The following TMEM114 variants were observed in gnomAD, a reference collection of about 807,000 sequenced individuals.
TMEM114 encodes the protein transmembrane protein 114.
A neutral mutation model predicts 6.2 loss-of-function variants in TMEM114; 6 were observed. That is an observed-to-expected ratio of 0.97 (90% CI 0.53 to 1.91). The LOEUF (loss-of-function observed/expected upper bound fraction) is 1.91. Among genes scored for constraint, TMEM114 ranks in the 40% most tolerant of loss-of-function variants. The pLI is 0.01. For synonymous variants in TMEM114, 104 were observed against 73.0 expected (o/e 1.42, Z -2.16); for missense variants, 218 against 158.3 (o/e 1.38, Z -2.02).
chr16:8,564,694 T>C (rs1168442870), downstream of TMEM114, among the ~76,000 whole-genome samples: 1 of 145,398 alleles, frequency 6.9e-6, no homozygotes, highest in Non-Finnish European at 1.5e-5. Context: ...AGTGAGTGAA[T>C]GAGTGAGTGA....
chr16:8,585,899 C>T (rs1260700489), intron 2 of TMEM114, among the ~76,000 whole-genome samples: 2 of 152,088 alleles, frequency 1.3e-5, no homozygotes, highest in Non-Finnish European at 1.5e-5. Flanking sequence ...AGGAAAGGCC[C>T]ATGGCCACAT....
intron 2 of TMEM114, among the ~76,000 whole-genome samples, chr16:8,556,316 A>G (rs574201916): frequency 6.6e-6 from 1 of 152,294 alleles, no homozygotes; most frequent in Non-Finnish European, 1.5e-5. Context: ...TCTAGGGCAC[A>G]AAAGTATCGC....
intron 2 of TMEM114, among the ~76,000 whole-genome samples, chr16:8,539,638 C>T (rs562837236): frequency 2.8e-4 from 43 of 152,242 alleles, no homozygotes; most frequent in Non-Finnish European, 6.0e-4. Context: ...AAGCACTCTG[C>T]GTGCAACTGG....
At chr16:8,561,061 C>T (rs1901183785) in intron 2 of TMEM114, among the ~76,000 whole-genome samples, 1 of 152,190 alleles carries the variant, frequency 6.6e-6, no homozygotes, top group East Asian at 1.9e-4. Flanking sequence ...ACCACGAGAA[C>T]AGTATGGGGG....
the TMEM114 span, chr16:8,526,764 G>A: frequency 1.3e-5 from 2 of 152,076 alleles, no homozygotes; most frequent in African/African-American, 4.8e-5. Flanking sequence ...AAGAGCAGAT[G>A]GATACACCCT....
intron 2 of TMEM114, among the ~76,000 whole-genome samples, chr16:8,549,901 C>G (rs1485103344): frequency 6.6e-6 from 1 of 152,190 alleles, no homozygotes; most frequent in Admixed American, 6.5e-5. Flanking sequence ...CACAGTCCAT[C>G]TGCAAGCTGA....
Position 8,569,545 on chromosome 16 carries a change from T to G in TMEM114, c.*228A>C. On this transcript the variant is annotated 3_prime_UTR_variant, in exon 4 of 4. Transcript: ENST00000620492. ...TATTTCTCGCGAAGCGGTTTGGCAC[T>G]CCCTCGGGCTCCTCCAGGCCACACG... The G allele has an allele frequency of 7.1e-7, 1 of 1,401,462 alleles. No homozygotes were observed. Among genetic ancestry groups the G allele is most frequent in the South Asian group, 1.7e-5 (1 of 59,526 alleles). 86.8% of individuals were successfully genotyped at this position (1,401,462 alleles called of 1,614,324 possible). A position where few individuals can be genotyped will look rare whatever the true frequency, so the allele number is the denominator to read the frequency against.
chr16:8,567,157 T>C (rs1241845298), downstream of TMEM114, among the ~76,000 whole-genome samples: 2 of 151,820 alleles, frequency 1.3e-5, no homozygotes, highest in Admixed American at 1.3e-4. Flanking sequence ...GACCTGCCTG[T>C]CTTGGCATCC....
At chr16:8,542,950 A>T (rs1243036403) in intron 2 of TMEM114, among the ~76,000 whole-genome samples, 1 of 152,242 alleles carries the variant, frequency 6.6e-6, no homozygotes, top group Admixed American at 6.5e-5. Context: ...TATATATTTG[A>T]CATAATTACC....
chr16:8,572,130 G>C lies in TMEM114; in HGVS notation c.396C>G (p.Ala132=), dbSNP rs1432902522. 1 of 1,551,476 alleles carries C rather than the reference G, an allele frequency of 6.4e-7. No homozygotes were observed. The highest frequency in any genetic ancestry group is 1.7e-4 in the Middle Eastern group (1 of 6,014). Residue 132 remains alanine, a synonymous_variant, in exon 3 of 4, where the codon GCC becomes GCG. Transcript: ENST00000620492. ...TTCCAGTGAGCAGGAGGAGGAGGTA[G>C]GCTTGGAGGAGGAAGCTCAGAAACC... ...MTGFLSFLLQ[A]YLLLLLTGIL... is the part of the protein sequence containing the mutation.
chr16:8,535,997 G>T (rs1055405905), downstream of TMEM114, among the ~76,000 whole-genome samples: 6 of 152,072 alleles, frequency 3.9e-5, no homozygotes, highest in Non-Finnish European at 8.8e-5. Flanking sequence ...AGGTCGAGGC[G>T]GGCAGATCAC....
chr16:8,575,368 T>C (rs1157497708), intron 2 of TMEM114, among the ~76,000 whole-genome samples: 1 of 152,200 alleles, frequency 6.6e-6, no homozygotes, highest in Non-Finnish European at 1.5e-5. Flanking sequence ...CGCAGACAGT[T>C]CCTCTCTTGC....
chr16:8,550,455 C>A (rs562276363), intron 2 of TMEM114, among the ~76,000 whole-genome samples: 2 of 149,920 alleles, frequency 1.3e-5, no homozygotes, highest in Non-Finnish European at 3.0e-5. Flanking sequence ...CCAAGGCGGG[C>A]GGATGATGAG....
At position 8,572,443 on chromosome 16, in the gene TMEM114, G is replaced by T. The variant is rs1009639444; in HGVS notation, c.302-219C>A. On this transcript the variant is annotated intron_variant, in intron 2 of 3. Transcript: ENST00000620492. The stretch of plus-strand genomic sequence containing the variant: ...GCTGTGTGCTTTGTTCTTGTTGTTT[G>T]TTTTGTTTTTGAGACAGGGTCTTGC... The T allele has an allele frequency of 6.7e-6, 4 of 596,420 alleles. No homozygotes were observed. In the African/African-American group the frequency reaches 7.5e-5, roughly 11 times the overall value. The allele number at this position is 596,420 out of a possible 1,614,324, so 36.9% of individuals were successfully genotyped here. A position where few individuals can be genotyped will look rare whatever the true frequency, so the allele number is the denominator to read the frequency against.
At chr16:8,556,667 A>G (rs959211400) in intron 2 of TMEM114, among the ~76,000 whole-genome samples, 2 of 151,808 alleles carry the variant, frequency 1.3e-5, no homozygotes, top group African/African-American at 2.4e-5. Context: ...ACACATGGCT[A>G]ATTTTTTGTA....
chr16:8,556,162 G>T (rs1270724355), intron 2 of TMEM114, among the ~76,000 whole-genome samples: 1 of 152,116 alleles, frequency 6.6e-6, no homozygotes, highest in Non-Finnish European at 1.5e-5. Context: ...TAAATGCCAA[G>T]TCTGAATTCT....
At chr16:8,569,004 T>G (rs558248535), downstream of TMEM114, among the ~76,000 whole-genome samples, 39 of 152,338 alleles carry the variant, frequency 2.6e-4, no homozygotes, top group African/African-American at 8.7e-4. Flanking sequence ...AATGTGAGTT[T>G]TTGGGCTTCA....
At chr16:8,561,651 G>C (rs1284768693) in intron 2 of TMEM114, among the ~76,000 whole-genome samples, 1 of 141,428 alleles carries the variant, frequency 7.1e-6, no homozygotes, top group East Asian at 2.0e-4. Flanking sequence ...ACAAGTGAGT[G>C]AATAAGTGAA....
Position 8,546,845 on chromosome 16 carries a change from C to T in TMEM114, n.213-9019G>A, listed in dbSNP as rs149365653. Among the ~76,000 whole-genome samples, 19 of 152,300 alleles carry T rather than the reference C, an allele frequency of 1.2e-4. No individual in the cohort carries two copies. The South Asian group carries it at 1.9e-3, about 15-fold the overall frequency. On this transcript the variant is annotated intron_variant and non_coding_transcript_variant, in intron 2 of 2. Transcript: ENST00000623677. The stretch of plus-strand genomic sequence containing the variant: ...ATCTTCCTTTGAGTGTCTGCCAAAA[C>T]GCAAGTGATGCTGGCTGACTCCCTT...
Sources: gnomAD v4.1 joint callset for allele counts (sites outside exome capture counted in the v4.1 genomes callset) on GRCh38, gnomAD v4.1.1 for gene constraint, MANE v1.5 for transcripts, NCBI Gene and HGNC (gene_info 2026-07-23, HGNC 2026-07-21) for gene names.